The following ANKRD30B variants were observed in gnomAD, a reference collection of about 807,000 sequenced individuals.
ANKRD30B encodes the protein ankyrin repeat domain 30B, also known as ankyrin repeat domain-containing protein 30B.
ANKRD30B carries 144 observed loss-of-function variants against 202.2 expected under a neutral mutation model. That is an observed-to-expected ratio of 0.71 (90% CI 0.62 to 0.82). The LOEUF is 0.82. ANKRD30B is among the 40% of genes least tolerant of loss of function. The pLI, the probability that ANKRD30B is intolerant of heterozygous loss-of-function variation, is 0.00. For synonymous variants in ANKRD30B, 508 were observed against 561.3 expected, an observed-to-expected ratio of 0.91 and a Z score of 1.34; for missense variants, 1,487 against 1,669.1, an observed-to-expected ratio of 0.89 and a Z score of 1.90.
chr18:14,917,306 A>G, the ANKRD30B span, among the ~76,000 whole-genome samples: 3,790 of 152,128 alleles, frequency 0.025, 159 homozygotes, highest in African/African-American at 0.084. Context: ...AAACTTCTTA[A>G]TTGTTCTCTT....
chr18:14,758,849 T>A (rs1914799839), intron 5 of ANKRD30B, among the ~76,000 whole-genome samples: 1 of 152,222 alleles, frequency 6.6e-6, no homozygotes, highest in Non-Finnish European at 1.5e-5. Context: ...ATTTTTATTT[T>A]GTTACCAGAT....
intron 1 of ANKRD30B, among the ~76,000 whole-genome samples, chr18:14,752,143 C>T (rs532383710): frequency 6.6e-6 from 1 of 152,192 alleles, no homozygotes; most frequent in African/African-American, 2.4e-5. Context: ...ATTATAATAT[C>T]TAACAATTAC....
chr18:14,910,718 A>G, the ANKRD30B span, among the ~76,000 whole-genome samples: 4 of 152,066 alleles, frequency 2.6e-5, no homozygotes, highest in African/African-American at 9.7e-5. Flanking sequence ...TTTTCATAGA[A>G]GTTGTACTAA....
chr18:14,799,409 T>G (rs1969165430), intron 22 of ANKRD30B, 114 bp downstream of exon 22: 4 of 1,082,422 alleles, frequency 3.7e-6, no homozygotes, highest in Non-Finnish European at 5.1e-6. Context: ...ATGGGAAAAT[T>G]TGATAAAATA....
intron 22 of ANKRD30B, among the ~76,000 whole-genome samples, chr18:14,800,105 G>T (rs1969216699): frequency 6.6e-6 from 1 of 151,194 alleles, no homozygotes; most frequent in South Asian, 2.1e-4. Context: ...GGTGGTGGGT[G>T]CCCGTAATCT....
the ANKRD30B span, chr18:14,915,489 T>C: frequency 6.6e-6 from 1 of 152,236 alleles, no homozygotes; most frequent in Non-Finnish European, 1.5e-5. Flanking sequence ...ATGAGCCTTA[T>C]GAGGACCCAT....
intron 34 of ANKRD30B, among the ~76,000 whole-genome samples, chr18:14,836,201 T>A (rs186129934): frequency 7.7e-4 from 118 of 152,316 alleles, no homozygotes; most frequent in South Asian, 1.0e-3. Context: ...TTTATCTAGA[T>A]CTTTCTTCTA....
intron 9 of ANKRD30B, among the ~76,000 whole-genome samples, chr18:14,776,079 T>A (rs559201112): frequency 6.6e-6 from 1 of 152,306 alleles, no homozygotes; most frequent in East Asian, 1.9e-4. Context: ...AGAACAGGCA[T>A]GTGGATTTCT....
chr18:14,873,541 A>AAT, the ANKRD30B span, among the ~76,000 whole-genome samples: 1 of 151,524 alleles, frequency 6.6e-6, no homozygotes, highest in Non-Finnish European at 1.5e-5. Flanking sequence ...AAAAAAAAAA[A>AAT]AAAAGAGAGA....
At chr18:14,881,143 T>C in the ANKRD30B span, among the ~76,000 whole-genome samples, 1 of 151,994 alleles carries the variant, frequency 6.6e-6, no homozygotes, top group Admixed American at 6.6e-5. Context: ...GTGGTGAGAG[T>C]AGGTTCCTCA....
the ANKRD30B span, among the ~76,000 whole-genome samples, chr18:14,910,587 TACAAG>T: frequency 6.6e-6 from 1 of 151,860 alleles, no homozygotes; most frequent in East Asian, 1.9e-4. Context: ...TCCATAAACA[TACAAG>T]AGCAAGTTTT....
intron 34 of ANKRD30B, among the ~76,000 whole-genome samples, chr18:14,836,307 T>C (rs1971168603): frequency 1.3e-5 from 2 of 152,120 alleles, no homozygotes; most frequent in Admixed American, 6.6e-5. Context: ...ATCTACTCTG[T>C]CATCTGGTTT....
intron 8 of ANKRD30B, among the ~76,000 whole-genome samples, chr18:14,770,983 C>A (rs1268586945): frequency 6.6e-6 from 1 of 152,122 alleles, no homozygotes; most frequent in African/African-American, 2.4e-5. Flanking sequence ...ATGTCCCCTC[C>A]CCTTTGTCTC....
At chr18:14,783,896 A>G (rs112373201) in intron 12 of ANKRD30B, among the ~76,000 whole-genome samples, 2 of 152,054 alleles carry the variant, frequency 1.3e-5, no homozygotes, top group South Asian at 2.1e-4. Context: ...TCAATTCATA[A>G]CACTTCACTG....
intron 15 of ANKRD30B, among the ~76,000 whole-genome samples, chr18:14,789,746 C>G (rs1165967821): frequency 6.6e-6 from 1 of 152,134 alleles, no homozygotes; most frequent in African/African-American, 2.4e-5. Flanking sequence ...TTCCATTGAT[C>G]TATATCTCTG....
chr18:14,779,652 A>G (rs746772292), intron 10 of ANKRD30B, among the ~76,000 whole-genome samples: 3 of 152,240 alleles, frequency 2.0e-5, no homozygotes, highest in Non-Finnish European at 4.4e-5. Flanking sequence ...ATCTGAGTGA[A>G]TAGCAAATTT....
At chr18:14,753,684 C>T (rs1356423669) in intron 3 of ANKRD30B, among the ~76,000 whole-genome samples, 1 of 152,078 alleles carries the variant, frequency 6.6e-6, no homozygotes, top group Non-Finnish European at 1.5e-5. Context: ...ACTTTTTAAA[C>T]AATGATTTTT....
chr18:14,819,543 G>A (rs763584845), intron 30 of ANKRD30B, among the ~76,000 whole-genome samples: 1 of 152,118 alleles, frequency 6.6e-6, no homozygotes, highest in East Asian at 1.9e-4. Context: ...TTTTGTATAA[G>A]GTGTAAGGAA....
chr18:14,934,948 A>ACCCC, the ANKRD30B span, among the ~76,000 whole-genome samples: 2 of 126,416 alleles, frequency 1.6e-5, no homozygotes, highest in African/African-American at 6.8e-5. Context: ...ACACACACAC[A>ACCCC]CCCCATCGTG....
Sources: allele counts gnomAD v4.1 joint callset (sites outside exome capture counted in the v4.1 genomes callset), GRCh38; gene constraint gnomAD v4.1.1; transcripts MANE v1.5; gene names NCBI Gene and HGNC (gene_info 2026-07-23, HGNC 2026-07-21).